The following CARNMT1 variants were observed in gnomAD, a reference collection of about 807,000 sequenced individuals.
CARNMT1 encodes the protein protein-L-histidine N-pros-methyltransferase CARNMT1.
A neutral mutation model predicts 49.6 loss-of-function variants in CARNMT1; 28 were observed. The ratio of observed to expected loss-of-function variants is 0.56; its 90% CI spans 0.42 to 0.77. CARNMT1 has a LOEUF of 0.77. Ranked by LOEUF, CARNMT1 falls within the 30% of genes least tolerant of loss-of-function variation. The pLI is 0.00. For missense variants in CARNMT1, 421 were observed against 512.6 expected (o/e 0.82, Z 1.73); for synonymous variants, 178 against 175.0 (o/e 1.02, Z -0.13).
intron 3 of CARNMT1, 125 bp downstream of exon 3, chr9:75,016,139 CACTT>C: frequency 1.5e-6 from 1 of 663,558 alleles, no homozygotes; most frequent in Admixed American, 3.0e-5. Flanking sequence ...CAAATGTTAA[CACTT>C]ACACATGTAA....
At chr9:75,005,743 G>C (rs1833487805) in intron 3 of CARNMT1, among the ~76,000 whole-genome samples, 1 of 151,260 alleles carries the variant, frequency 6.6e-6, no homozygotes, top group Admixed American at 6.6e-5. Flanking sequence ...AAAGTGCTGG[G>C]ATTACAGGCG....
At chr9:75,004,028 A>G (rs1214929521) in intron 3 of CARNMT1, among the ~76,000 whole-genome samples, 1 of 152,228 alleles carries the variant, frequency 6.6e-6, no homozygotes, top group Non-Finnish European at 1.5e-5. Context: ...GGCCCGTGCC[A>G]CCACACCCAG....
intron 3 of CARNMT1, among the ~76,000 whole-genome samples, chr9:75,009,360 C>T (rs1833616343): frequency 6.6e-6 from 1 of 152,136 alleles, no homozygotes; most frequent in Admixed American, 6.5e-5. Flanking sequence ...GTCCTCCTGA[C>T]TCAGGGACTA....
intron 3 of CARNMT1, 93 bp from the exon 4 acceptor site, chr9:74,999,963 T>C: frequency 8.6e-7 from 1 of 1,166,056 alleles, no homozygotes; most frequent in Admixed American, 2.5e-5. Flanking sequence ...ACTCATTTAC[T>C]CAATAAGAAT....
chr9:75,011,868 C>T (rs11144185), intron 3 of CARNMT1, among the ~76,000 whole-genome samples: 2 of 152,026 alleles, frequency 1.3e-5, no homozygotes, highest in Non-Finnish European at 1.5e-5. Flanking sequence ...TTCTGCCTCA[C>T]TACTACAACT....
At chr9:75,027,449 GAGC>G (rs1025448879) in intron 1 of CARNMT1, 93 of 985,294 alleles carry the variant, frequency 9.4e-5, no homozygotes, top group Admixed American at 2.5e-4. Flanking sequence ...TAAAGACACT[GAGC>G]AGCATCATTC....
chr9:74,996,716 C>T (rs908848532), intron 5 of CARNMT1, among the ~76,000 whole-genome samples, 156 bp from the exon 6 acceptor site: 6 of 133,766 alleles, frequency 4.5e-5, no homozygotes, highest in African/African-American at 1.8e-4. Context: ...TTACAGTAAC[C>T]AAACAGTCAT....
chr9:75,011,708 TG>T (rs1279790750), intron 3 of CARNMT1, among the ~76,000 whole-genome samples: 2 of 152,124 alleles, frequency 1.3e-5, no homozygotes, highest in Admixed American at 1.3e-4. Flanking sequence ...ACAGCTTGCT[TG>T]ATCTAGACAC....
At position 75,028,257 on chromosome 9, in the gene CARNMT1, C is replaced by G. The variant is rs954008173; in HGVS notation, c.-16G>C. 2.1e-5 allele frequency: 28 copies of G among 1,361,712 alleles called. No individual in the cohort carries two copies. Among genetic ancestry groups the G allele is most frequent in the Non-Finnish European group, 2.4e-5 (25 of 1,060,970 alleles). 84.4% of individuals were successfully genotyped at this position (1,361,712 alleles called of 1,614,324 possible). On this transcript the variant is annotated 5_prime_UTR_variant, in exon 1 of 8. Transcript: ENST00000376834. ...GTCGCTGCATCGCCGCCGCGGCCCT[C>G]GGCCTGGCTCGCTTGCGTCTCTCCG...
At position 75,008,168 on chromosome 9, in the gene CARNMT1, T is replaced by TAAAAAA. The variant is rs71368697; in HGVS notation, c.590+8094_590+8099dup. 8.2e-5 allele frequency among the ~76,000 whole-genome samples: 4 copies of TAAAAAA among 48,718 alleles called. 1 individual carries two copies. Among genetic ancestry groups the TAAAAAA allele is most frequent in the African/African-American group, 3.0e-4 (3 of 9,944 alleles). The allele number at this position is 48,718 out of a possible 152,430, so 32.0% of individuals were successfully genotyped here. A position where few individuals can be genotyped will look rare whatever the true frequency, so the allele number is the denominator to read the frequency against. Reference sequence around the variant, plus strand: ...ATAACACTAAAAACAGCTGATGAGCTAAAAAAAAAAAAAAAAAAAAAAAAA... The same window carrying TAAAAAA: ...ATAACACTAAAAACAGCTGATGAGCTAAAAAAAAAAAAAAAAAAAAAAAAAAAAAAA... On this transcript the variant is annotated intron_variant, in intron 3 of 7. Transcript: ENST00000376834.
intron 6 of CARNMT1, among the ~76,000 whole-genome samples, chr9:74,993,800 T>C (rs1833105060): frequency 6.6e-6 from 1 of 152,130 alleles, no homozygotes; most frequent in African/African-American, 2.4e-5. Context: ...CACTGAAGAA[T>C]GATCCAGCCC....
Position 75,017,592 on chromosome 9 carries a change from G to A in CARNMT1, c.231-144C>T, listed in dbSNP as rs1191508882. 3.0e-6 allele frequency: 2 copies of A among 675,340 alleles called. 1 individual carries two copies. Among genetic ancestry groups the A allele is most frequent in the Admixed American group, 6.3e-5 (2 of 31,662 alleles). 41.8% of individuals were successfully genotyped at this position (675,340 alleles called of 1,614,324 possible). On this transcript the variant is annotated intron_variant, in intron 1 of 7. Coordinates refer to ENST00000376834, the MANE Select transcript of CARNMT1 (RefSeq NM_152420.3). ...TTTACAATCTCTTGGCTTTAAAAAG[G>A]CATTAACTTATAAAGTTGTAAATGT...
At chr9:75,009,652 C>A (rs1833625379) in intron 3 of CARNMT1, among the ~76,000 whole-genome samples, 1 of 152,102 alleles carries the variant, frequency 6.6e-6, no homozygotes, top group Non-Finnish European at 1.5e-5. Context: ...AAATTAAAAT[C>A]ACTTAAATGA....
At chr9:75,026,439 A>C (rs1216329729) in intron 1 of CARNMT1, among the ~76,000 whole-genome samples, 2 of 152,228 alleles carry the variant, frequency 1.3e-5, no homozygotes, top group African/African-American at 2.4e-5. Context: ...ATTTTTCAAG[A>C]GCAAAATGTA....
upstream of CARNMT1, chr9:75,028,389 A>G: frequency 7.7e-7 from 1 of 1,296,040 alleles, no homozygotes; most frequent in Non-Finnish European, 9.7e-7. Flanking sequence ...TCAGGCCTCC[A>G]TCCGCGCTGG....
At chr9:74,997,358 T>C (rs1458254342) in intron 5 of CARNMT1, among the ~76,000 whole-genome samples, 1 of 152,200 alleles carries the variant, frequency 6.6e-6, no homozygotes, top group Non-Finnish European at 1.5e-5. Flanking sequence ...ACTTTCTATG[T>C]TGTAAAATAA....
chr9:74,994,565 C>G (rs1833130916), intron 6 of CARNMT1, among the ~76,000 whole-genome samples: 1 of 151,868 alleles, frequency 6.6e-6, no homozygotes. Flanking sequence ...ATGTTTGGAC[C>G]AGAGATACAG....
In CARNMT1 at chr9:74,983,685, A is replaced by T; in HGVS notation, c.*82T>A. 1.3e-6 allele frequency: 1 copy of T among 770,374 alleles called. No individual in the cohort carries two copies. The highest frequency in any genetic ancestry group is 2.2e-6 in the Non-Finnish European group (1 of 461,522). The allele number at this position is 770,374 out of a possible 1,614,324, so 47.7% of individuals were successfully genotyped here. A position where few individuals can be genotyped will look rare whatever the true frequency, so the allele number is the denominator to read the frequency against. On this transcript the variant is annotated 3_prime_UTR_variant, in exon 8 of 8. Coordinates refer to ENST00000376834, the MANE Select transcript of CARNMT1 (RefSeq NM_152420.3). Reference sequence around the variant, plus strand: ...CACTGATTTGAGGTTGTGTCCTGTCATCACTGATAGTTGATTTTGAGTCGT... The same window carrying T: ...CACTGATTTGAGGTTGTGTCCTGTCTTCACTGATAGTTGATTTTGAGTCGT...
chr9:74,999,638 A>T, intron 4 of CARNMT1, 92 bp downstream of exon 4: 1 of 1,090,586 alleles, frequency 9.2e-7, no homozygotes. Context: ...AATGCTATGT[A>T]CTTATCTTCA....
Sources: allele counts gnomAD v4.1 joint callset (sites outside exome capture counted in the v4.1 genomes callset), GRCh38; gene constraint gnomAD v4.1.1; transcripts MANE v1.5; gene names NCBI Gene and HGNC (gene_info 2026-07-23, HGNC 2026-07-21).